ITCH: variants seen among roughly 807,000 people sequenced by gnomAD.
ITCH encodes itchy E3 ubiquitin protein ligase.
Under a neutral mutation model 126.8 loss-of-function variants are expected in ITCH, and 28 were observed. The ratio of observed to expected loss-of-function variants is 0.22; its 90% CI spans 0.16 to 0.30. ITCH has a LOEUF of 0.30. Among genes scored for constraint, ITCH ranks in the 10% least tolerant of loss-of-function variants. The pLI, the probability that ITCH is intolerant of heterozygous loss-of-function variation, is 1.00. For missense variants in ITCH, 631 were observed against 1,032.4 expected (o/e 0.61, Z 5.33); for synonymous variants, 342 against 340.0 (o/e 1.01, Z -0.06).
intron 2 of ITCH, among the ~76,000 whole-genome samples, chr20:34,371,620 G>A (rs1393297564): frequency 6.6e-6 from 1 of 151,868 alleles, no homozygotes; most frequent in African/African-American, 2.4e-5. Flanking sequence ...GGAAGGAGAT[G>A]GTGGAATGAT....
intron 9 of ITCH, 126 bp downstream of exon 9, chr20:34,440,470 T>C (rs1983602862): frequency 1.3e-6 from 1 of 787,120 alleles, no homozygotes; most frequent in Non-Finnish European, 2.1e-6. Context: ...TTAATTTCTT[T>C]TTTTTTTGAG....
chr20:34,476,401 A>C, intron 16 of ITCH: 3 of 1,241,788 alleles, frequency 2.4e-6, no homozygotes, highest in South Asian at 3.5e-5. Context: ...GGCGTGGTGC[A>C]GCCACCGGCC....
rs1015188344 is a variant in ITCH, at chr20:34,471,332, G to A, written c.1498-112G>A. 1.5e-5 allele frequency: 11 copies of A among 710,868 alleles called. No homozygotes were observed. The African/African-American group carries it at 1.9e-4, about 13-fold the overall frequency. 44.0% of individuals were successfully genotyped at this position (710,868 alleles called of 1,614,324 possible). On this transcript the variant is annotated intron_variant, in intron 15 of 24. Transcript: ENST00000374864. ...TATTGAATATAAATTTATATTCATA[G>A]TCTACTTGTTTCTGTAAGGAAAGAT...
chr20:34,391,281 G>GTGCCCTCC (rs1240940800), intron 2 of ITCH, among the ~76,000 whole-genome samples: 2 of 152,062 alleles, frequency 1.3e-5, no homozygotes, highest in African/African-American at 4.8e-5. Context: ...GAGTACACAG[G>GTGCCCTCC]TGCCCTCCTC....
rs143045033 is a variant in ITCH at position 34,427,409 on chromosome 20, G to C, written c.521+2884G>C. On this transcript the variant is annotated intron_variant, in intron 7 of 24. Coordinates refer to ENST00000374864, the MANE Select transcript of ITCH (RefSeq NM_031483.7). ...GAGACCAGCCTGGGCAATTGAGTGA[G>C]ACCTCATCTCTACAGAAAACAAAAC... Among the ~76,000 whole-genome samples the C allele has an allele frequency of 2.6e-5, 4 of 152,158 alleles. No individual in the cohort carries two copies. In the East Asian group the frequency reaches 7.7e-4, roughly 29 times the overall value.
At chr20:34,407,812 GT>G (rs1250844046) in intron 3 of ITCH, among the ~76,000 whole-genome samples, 2 of 152,148 alleles carry the variant, frequency 1.3e-5, no homozygotes, top group African/African-American at 2.4e-5. Flanking sequence ...ACATCAGCCT[GT>G]TTTTCATCAT....
At chr20:34,467,905 T>TG (rs1987235786) in intron 14 of ITCH, among the ~76,000 whole-genome samples, 1 of 152,020 alleles carries the variant, frequency 6.6e-6, no homozygotes, top group South Asian at 2.1e-4. Context: ...CCACCCTGGG[T>TG]GACAGAGTGA....
At chr20:34,400,030 CCTGGTTCAAGCAATTTTT>C (rs1182575162) in intron 3 of ITCH, among the ~76,000 whole-genome samples, 2 of 151,856 alleles carry the variant, frequency 1.3e-5, no homozygotes, top group Non-Finnish European at 2.9e-5. Context: ...CCTCTGACTC[CCTGGTTCAAGCAATTTTT>C]CTGCGTCAGC....
chr20:34,410,059 A>C (rs1978769666), intron 4 of ITCH, among the ~76,000 whole-genome samples: 1 of 151,374 alleles, frequency 6.6e-6, no homozygotes, highest in African/African-American at 2.4e-5. Context: ...GACAAACAAA[A>C]AAAAAAAAGA....
In ITCH at chr20:34,433,673, C is replaced by A. The variant is rs530780724; in HGVS notation, c.522-4801C>A. ...CAATGTCTCAAAAAAAAAAAAAAAACCCAAAAAGACCAATGAAAAGAAAGC... is the reference window on the plus strand; with the variant it reads ...CAATGTCTCAAAAAAAAAAAAAAAAACCAAAAAGACCAATGAAAAGAAAGC... On this transcript the variant is annotated intron_variant, in intron 7 of 24. Coordinates refer to ENST00000374864, the MANE Select transcript of ITCH (RefSeq NM_031483.7). Among the ~76,000 whole-genome samples the A allele has an allele frequency of 8.4e-3, 1,116 of 133,400 alleles. 16 individuals are homozygous for A. The highest frequency in any genetic ancestry group is 0.028 in the African/African-American group (1,036 of 36,422). 87.5% of individuals were successfully genotyped at this position (133,400 alleles called of 152,430 possible). A position where few individuals can be genotyped will look rare whatever the true frequency, so the allele number is the denominator to read the frequency against.
At chr20:34,484,621 G>A (rs1236902602) in intron 20 of ITCH, among the ~76,000 whole-genome samples, 2 of 152,162 alleles carry the variant, frequency 1.3e-5, no homozygotes, top group African/African-American at 4.8e-5. Context: ...AAGATAATGG[G>A]CAGCTAAAAA....
chr20:34,481,748 C>T (rs62212233), intron 20 of ITCH, among the ~76,000 whole-genome samples: 24,148 of 152,150 alleles, frequency 0.16, 2,160 homozygotes, highest in South Asian at 0.35. Flanking sequence ...CATGGTGGCT[C>T]ATGCCTGTAA....
chr20:34,402,220 CA>C (rs1338388047), intron 3 of ITCH: 36 of 1,423,986 alleles, frequency 2.5e-5, no homozygotes, highest in Non-Finnish European at 3.6e-5. Flanking sequence ...TCGTCAAATA[CA>C]TTCTTTAGGC....
At chr20:34,501,914 AT>A (rs1990273066) in intron 23 of ITCH, among the ~76,000 whole-genome samples, 2 of 152,210 alleles carry the variant, frequency 1.3e-5, no homozygotes, top group African/African-American at 4.8e-5. Flanking sequence ...ACCTGCAAAA[AT>A]AAATTATAGA....
intron 10 of ITCH, among the ~76,000 whole-genome samples, chr20:34,444,543 A>G (rs1307045847): frequency 6.6e-6 from 1 of 152,098 alleles, no homozygotes; most frequent in Admixed American, 6.5e-5. Context: ...AGATCGCGCC[A>G]TTGCACTCCA....
intron 9 of ITCH, 22 bp from the exon 10 acceptor site, chr20:34,442,186 G>C: frequency 6.3e-7 from 1 of 1,577,124 alleles, no homozygotes; most frequent in Admixed American, 1.7e-5. Flanking sequence ...TATTTTACCA[G>C]CCTTTTAATT....
chr20:34,408,844 A>G (rs1978527733), intron 4 of ITCH, 52 bp downstream of exon 4: 17 of 1,565,444 alleles, frequency 1.1e-5, no homozygotes, highest in Non-Finnish European at 1.5e-5. Flanking sequence ...AGATGATTGG[A>G]AATACAATTT....
At chr20:34,452,599 A>G (rs1985396936) in intron 12 of ITCH, among the ~76,000 whole-genome samples, 1 of 152,216 alleles carries the variant, frequency 6.6e-6, no homozygotes, top group South Asian at 2.1e-4. Context: ...ATAGAATCCC[A>G]TCTTACAGCT....
chr20:34,495,770 A>G (rs1475952950), intron 23 of ITCH, among the ~76,000 whole-genome samples: 1 of 152,004 alleles, frequency 6.6e-6, no homozygotes, highest in African/African-American at 2.4e-5. Flanking sequence ...TCTGTTCGAC[A>G]TACTGATTTC....
Sources: allele counts gnomAD v4.1 joint callset (sites outside exome capture counted in the v4.1 genomes callset), GRCh38; gene constraint gnomAD v4.1.1; transcripts MANE v1.5; gene names NCBI Gene and HGNC (gene_info 2026-07-23, HGNC 2026-07-21).